CCBE1: variants seen among roughly 807,000 people sequenced by gnomAD.
The protein encoded by CCBE1 is collagen and calcium binding EGF domains 1.
A neutral mutation model predicts 50.0 loss-of-function variants in CCBE1; 37 were observed. The observed-to-expected ratio is 0.74, with a 90% CI of 0.57 to 0.97. The LOEUF (loss-of-function observed/expected upper bound fraction) is 0.97. Ranked by LOEUF, CCBE1 falls within the 50% of genes least tolerant of loss-of-function variation. The pLI is 0.00. For synonymous variants in CCBE1, 234 were observed against 203.7 expected, an observed-to-expected ratio of 1.15 and a Z score of -1.27; for missense variants, 538 against 523.8, an observed-to-expected ratio of 1.03 and a Z score of -0.26.
At chr18:59,697,487 G>A (rs1244838309), upstream of CCBE1, 6 of 1,086,160 alleles carry the variant, frequency 5.5e-6, no homozygotes, top group South Asian at 1.7e-5. Flanking sequence ...GGGAGCAGGG[G>A]TCCGGAATAT....
chr18:59,580,811 C>T (rs566950484), intron 2 of CCBE1, among the ~76,000 whole-genome samples: 5 of 152,076 alleles, frequency 3.3e-5, no homozygotes, highest in Non-Finnish European at 7.4e-5. Context: ...GAAGTCTAGC[C>T]CATATGTTGA....
intron 7 of CCBE1, among the ~76,000 whole-genome samples, chr18:59,442,168 A>G (rs1219283314): frequency 6.6e-6 from 1 of 152,174 alleles, no homozygotes; most frequent in African/African-American, 2.4e-5. Context: ...ACCAACAACT[A>G]TCATCAGACA....
At chr18:59,689,371 G>T (rs185438628) in intron 2 of CCBE1, among the ~76,000 whole-genome samples, 2 of 152,226 alleles carry the variant, frequency 1.3e-5, no homozygotes, top group Non-Finnish European at 2.9e-5. Flanking sequence ...AAGTCCTCAA[G>T]GTCATGGTAA....
chr18:59,527,184 C>T (rs1382881897), intron 2 of CCBE1, among the ~76,000 whole-genome samples: 2 of 152,202 alleles, frequency 1.3e-5, no homozygotes, highest in African/African-American at 4.8e-5. Context: ...CTGAGTGCTC[C>T]TGTACTGGGT....
intron 6 of CCBE1, among the ~76,000 whole-genome samples, chr18:59,452,551 C>G (rs561703312): frequency 6.6e-6 from 1 of 152,194 alleles, no homozygotes; most frequent in Non-Finnish European, 1.5e-5. Context: ...AGAGATCACA[C>G]CACTGCACTC....
rs888879667 is a variant in CCBE1 at position 59,543,854 on chromosome 18, A to C, written c.213-63616T>G. Reference sequence around the variant, plus strand: ...CGTCTCAAAAAAAAAAAAAAAAAAAAAAAACAGAAAACACTAATGCGAGAA... The same window carrying C: ...CGTCTCAAAAAAAAAAAAAAAAAAACAAAACAGAAAACACTAATGCGAGAA... On this transcript the variant is annotated intron_variant, in intron 2 of 10. Coordinates refer to ENST00000439986, the MANE Select transcript of CCBE1 (RefSeq NM_133459.4). Among the ~76,000 whole-genome samples, 873 of 151,356 alleles carry C rather than the reference A, an allele frequency of 5.8e-3. 9 individuals are homozygous for C. Among genetic ancestry groups the C allele is most frequent in the African/African-American group, 0.02 (831 of 41,200 alleles).
intron 2 of CCBE1, among the ~76,000 whole-genome samples, chr18:59,519,037 G>A (rs941111974): frequency 2.6e-5 from 4 of 152,136 alleles, no homozygotes; most frequent in African/African-American, 9.7e-5. Flanking sequence ...TCCCCCAAGT[G>A]CTCCTTGGGA....
chr18:59,498,103 G>T (rs1212329333), intron 2 of CCBE1, among the ~76,000 whole-genome samples: 7 of 152,172 alleles, frequency 4.6e-5, no homozygotes, highest in Admixed American at 3.3e-4. Context: ...CTCATTTTCT[G>T]CCATCTCCTC....
chr18:59,553,896 A>G (rs932374911), intron 2 of CCBE1, among the ~76,000 whole-genome samples: 3 of 152,252 alleles, frequency 2.0e-5, no homozygotes, highest in South Asian at 2.1e-4. Context: ...AGCATGGCCA[A>G]TAGCTTTCCC....
At chr18:59,646,744 G>A (rs1428710825) in intron 2 of CCBE1, among the ~76,000 whole-genome samples, 4 of 152,172 alleles carry the variant, frequency 2.6e-5, no homozygotes, top group African/African-American at 4.8e-5. Flanking sequence ...ATTTCAAAAC[G>A]GTACTTCCCG....
At chr18:59,476,154 G>A (rs1912295607) in intron 3 of CCBE1, among the ~76,000 whole-genome samples, 1 of 151,990 alleles carries the variant, frequency 6.6e-6, no homozygotes, top group Non-Finnish European at 1.5e-5. Context: ...GGTTCTTTAT[G>A]CCTCAGCTCC....
At chr18:59,516,061 C>T (rs1402572877) in intron 2 of CCBE1, among the ~76,000 whole-genome samples, 2 of 152,132 alleles carry the variant, frequency 1.3e-5, no homozygotes, top group South Asian at 2.1e-4. Flanking sequence ...TGGGTTCAAG[C>T]GATTCTTTTG....
intron 2 of CCBE1, among the ~76,000 whole-genome samples, chr18:59,513,476 G>T (rs548438688): frequency 2.0e-5 from 3 of 152,272 alleles, no homozygotes; most frequent in South Asian, 4.2e-4. Flanking sequence ...CTTCCTTTGT[G>T]GCAATTTCTC....
chr18:59,641,898 G>C (rs1313053981), intron 2 of CCBE1, among the ~76,000 whole-genome samples: 5 of 152,038 alleles, frequency 3.3e-5, no homozygotes, highest in Non-Finnish European at 5.9e-5. Flanking sequence ...TCCCATAAGG[G>C]GAAGAAAACG....
intron 2 of CCBE1, among the ~76,000 whole-genome samples, chr18:59,490,458 G>A (rs1360319511): frequency 1.3e-5 from 2 of 149,276 alleles, no homozygotes; most frequent in Non-Finnish European, 3.0e-5. Context: ...AAAAAATAAA[G>A]GAAATAATAA....
chr18:59,486,070 C>T (rs990042572), intron 2 of CCBE1, among the ~76,000 whole-genome samples: 2 of 152,086 alleles, frequency 1.3e-5, no homozygotes, highest in Admixed American at 6.6e-5. Flanking sequence ...GCGCCTTGCT[C>T]CTTGGCCTTG....
At chr18:59,595,430 C>T (rs1189414750) in intron 2 of CCBE1, among the ~76,000 whole-genome samples, 1 of 152,026 alleles carries the variant, frequency 6.6e-6, no homozygotes, top group African/African-American at 2.4e-5. Flanking sequence ...ATGGTAATAC[C>T]AACCCTGTGT....
chr18:59,495,237 T>A (rs1913293937), intron 2 of CCBE1, among the ~76,000 whole-genome samples: 1 of 152,134 alleles, frequency 6.6e-6, no homozygotes, highest in South Asian at 2.1e-4. Context: ...AAAATAGCCA[T>A]TCATGGAACA....
At chr18:59,625,431 A>C (rs1015104506) in intron 2 of CCBE1, among the ~76,000 whole-genome samples, 22 of 73,742 alleles carry the variant, frequency 3.0e-4, no homozygotes, top group Non-Finnish European at 5.1e-4. Context: ...ATTCTGTCTC[A>C]AAAAAAAAAA....
Sources: allele counts gnomAD v4.1 joint callset (sites outside exome capture counted in the v4.1 genomes callset), GRCh38; gene constraint gnomAD v4.1.1; transcripts MANE v1.5; gene names NCBI Gene and HGNC (gene_info 2026-07-23, HGNC 2026-07-21).